Variants in DGAT2 observed in about 807,000 individuals in gnomAD.
The protein encoded by DGAT2 is diacylglycerol O-acyltransferase 2.
A neutral mutation model predicts 48.4 loss-of-function variants in DGAT2; 33 were observed. The observed-to-expected ratio is 0.68, with a 90% CI of 0.52 to 0.91. The LOEUF (loss-of-function observed/expected upper bound fraction) is 0.91. DGAT2 is among the 40% of genes least tolerant of loss of function. The pLI is 0.00. For missense variants in DGAT2, 446 were observed against 493.7 expected (o/e 0.90, Z 0.92); for synonymous variants, 191 against 194.1 (o/e 0.98, Z 0.13).
chr11:75,790,053 A>G (rs764630278), intron 2 of DGAT2, 135 bp from the exon 3 acceptor site: 3 of 690,706 alleles, frequency 4.3e-6, no homozygotes, highest in Non-Finnish European at 7.8e-6. Context: ...GCTATTTCTC[A>G]GGGTTTGTGG....
At chr11:75,788,823 T>C (rs574901022) in intron 2 of DGAT2, among the ~76,000 whole-genome samples, 1 of 152,210 alleles carries the variant, frequency 6.6e-6, no homozygotes, top group Non-Finnish European at 1.5e-5. Context: ...GCCCTTGTGC[T>C]GAATGCCAAG....
intron 1 of DGAT2, among the ~76,000 whole-genome samples, chr11:75,771,790 C>T (rs1274840383): frequency 6.6e-6 from 1 of 152,154 alleles, no homozygotes; most frequent in African/African-American, 2.4e-5. Flanking sequence ...TCACCAAGGG[C>T]TCATCTAGGC....
chr11:75,796,989 G>A, intron 5 of DGAT2, 169 bp from the exon 6 acceptor site: 2 of 600,058 alleles, frequency 3.3e-6, no homozygotes, highest in Non-Finnish European at 5.4e-6. Flanking sequence ...TGAGGAAACT[G>A]AGGCTCAGAA....
At chr11:75,777,135 G>GACCCCC (rs1364717430) in intron 1 of DGAT2, among the ~76,000 whole-genome samples, 2 of 152,034 alleles carry the variant, frequency 1.3e-5, no homozygotes, top group Admixed American at 1.3e-4. Context: ...TGGGCAGGGT[G>GACCCCC]ACCCCCACCC....
chr11:75,774,614 C>G (rs947829381), intron 1 of DGAT2, among the ~76,000 whole-genome samples: 3 of 152,114 alleles, frequency 2.0e-5, no homozygotes, highest in Non-Finnish European at 2.9e-5. Flanking sequence ...TGGAGAAATG[C>G]GATTCCATTC....
chr11:75,769,138 G>A lies in DGAT2; in HGVS notation c.121+26G>A, dbSNP rs992826127. The A allele has an allele frequency of 6.5e-6, 10 of 1,531,172 alleles. No individual in the cohort carries two copies. The African/African-American group carries it at 1.4e-4, about 22-fold the overall frequency. 94.8% of individuals were successfully genotyped at this position (1,531,172 alleles called of 1,614,324 possible). A position where few individuals can be genotyped will look rare whatever the true frequency, so the allele number is the denominator to read the frequency against. On this transcript the variant is annotated intron_variant, in intron 1 of 7. Coordinates refer to ENST00000228027, the MANE Select transcript of DGAT2 (RefSeq NM_032564.5). ...GTGAGTGCCACGGCGCAGGGGTTAT[G>A]GACCTGCGAGAAGATTTTCTGGAAA...
At chr11:75,775,149 A>T (rs1033858589) in intron 1 of DGAT2, among the ~76,000 whole-genome samples, 1 of 152,264 alleles carries the variant, frequency 6.6e-6, no homozygotes, top group Non-Finnish European at 1.5e-5. Context: ...CTAGCAGAGC[A>T]CAGGTGGCCC....
intron 2 of DGAT2, among the ~76,000 whole-genome samples, chr11:75,786,192 GTC>G (rs1449082180): frequency 6.6e-6 from 1 of 152,066 alleles, no homozygotes; most frequent in African/African-American, 2.4e-5. Context: ...AAACTAAACA[GTC>G]TCCCTCAGGA....
At chr11:75,772,419 T>C (rs887090779) in intron 1 of DGAT2, among the ~76,000 whole-genome samples, 1 of 152,166 alleles carries the variant, frequency 6.6e-6, no homozygotes, top group African/African-American at 2.4e-5. Context: ...AGACGCATGG[T>C]GGTCTTCCTG....
chr11:75,775,755 G>T (rs1944797959), intron 1 of DGAT2: 1 of 152,268 alleles, frequency 6.6e-6, no homozygotes, highest in South Asian at 2.1e-4. Flanking sequence ...TCGGGCCTTT[G>T]CAATGCCTTC....
Position 75,800,789 on chromosome 11 carries a change from C to CA in DGAT2, c.*282dup. On this transcript the variant is annotated 3_prime_UTR_variant, in exon 8 of 8. Coordinates refer to ENST00000228027, the MANE Select transcript of DGAT2 (RefSeq NM_032564.5). ...CCTTCCTGAAGTGACAAAGGAAACTCAGTCTTCTTGGGGAAGAAGGATTGC... is the reference window on the plus strand; with the variant it reads ...CCTTCCTGAAGTGACAAAGGAAACTCAAGTCTTCTTGGGGAAGAAGGATTGC... The CA allele has an allele frequency of 2.7e-6, 1 of 366,150 alleles. No homozygotes were observed. Among genetic ancestry groups the CA allele is most frequent in the Non-Finnish European group, 5.0e-6 (1 of 199,306 alleles). The allele number at this position is 366,150 out of a possible 1,614,324, so 22.7% of individuals were successfully genotyped here. A position where few individuals can be genotyped will look rare whatever the true frequency, so the allele number is the denominator to read the frequency against.
intron 6 of DGAT2, among the ~76,000 whole-genome samples, chr11:75,797,897 G>A (rs955806434): frequency 2.6e-5 from 4 of 152,170 alleles, no homozygotes; most frequent in African/African-American, 9.7e-5. Context: ...GCTGAGAGAG[G>A]CCTGGTTTGG....
Position 75,800,435 on chromosome 11 carries a change from C to A in DGAT2, c.1094C>A (p.Ala365Asp). The A allele has an allele frequency of 6.2e-7, 1 of 1,614,158 alleles. No individual in the cohort carries two copies. Among genetic ancestry groups the A allele is most frequent in the Non-Finnish European group, 8.5e-7 (1 of 1,180,026 alleles). ...IDLYHTMYME[A>D]LVKLFDKHKT... ...CTGTACCACACCATGTACATGGAGGCCCTGGTGAAGCTCTTCGACAAGCAC... is the reference window on the plus strand; with the variant it reads ...CTGTACCACACCATGTACATGGAGGACCTGGTGAAGCTCTTCGACAAGCAC... Residue 365 changes from alanine (A) to aspartate (D), a missense_variant, in exon 8 of 8, where the codon GCC (alanine) becomes GAC (aspartate). Physicochemically the swap from Ala to Asp is moderately radical, Grantham distance 126. Transcript: ENST00000228027.
rs746599241 is a variant in DGAT2 at position 75,769,072 on chromosome 11, C to T, written c.81C>T (p.His27=). 4 of 1,584,090 alleles carry T rather than the reference C, an allele frequency of 2.5e-6. No homozygotes were observed. Among genetic ancestry groups the T allele is most frequent in the Non-Finnish European group, 2.6e-6 (3 of 1,167,936 alleles). ...AGGCTGACCGGAGCCAGCGCTCTCA[C>T]GGAGGACCTGCGCTGTCGCGCGAGG... is the stretch of plus-strand genomic sequence containing the variant. ...QAEADRSQRS[H]GGPALSREGS... is the part of the protein sequence containing the mutation. The change falls in exon 1 of 8, where the codon CAC becomes CAT. Residue 27 remains histidine (H), a synonymous_variant. Transcript: ENST00000228027.
At chr11:75,787,461 C>T (rs753245336) in intron 2 of DGAT2, among the ~76,000 whole-genome samples, 1 of 152,210 alleles carries the variant, frequency 6.6e-6, no homozygotes, top group African/African-American at 2.4e-5. Context: ...CCACAGGCCT[C>T]GTGGCTTCAG....
intron 7 of DGAT2, among the ~76,000 whole-genome samples, chr11:75,799,721 C>A (rs890966505): frequency 2.0e-5 from 3 of 151,972 alleles, no homozygotes; most frequent in African/African-American, 7.3e-5. Context: ...TCAAGCGATC[C>A]TCCCACCTCA....
chr11:75,787,086 A>G (rs1290901596), intron 2 of DGAT2, among the ~76,000 whole-genome samples: 1 of 152,180 alleles, frequency 6.6e-6, no homozygotes, highest in Non-Finnish European at 1.5e-5. Flanking sequence ...GATATCTGCA[A>G]CTGCTACAAA....
chr11:75,797,087 C>G, intron 5 of DGAT2, 71 bp from the exon 6 acceptor site: 1 of 1,405,600 alleles, frequency 7.1e-7, no homozygotes, highest in Non-Finnish European at 9.4e-7. Context: ...TGTTTTATAC[C>G]TGACTGTGTG....
At chr11:75,785,951 C>T (rs952846358) in intron 2 of DGAT2, among the ~76,000 whole-genome samples, 2 of 152,216 alleles carry the variant, frequency 1.3e-5, no homozygotes, top group African/African-American at 4.8e-5. Flanking sequence ...CCCCAGGGAG[C>T]CCACATTCCT....
Sources: gnomAD v4.1 joint callset for allele counts (sites outside exome capture counted in the v4.1 genomes callset) on GRCh38, gnomAD v4.1.1 for gene constraint, MANE v1.5 for transcripts, NCBI Gene and HGNC (gene_info 2026-07-23, HGNC 2026-07-21) for gene names.